The following BAIAP2L1 variants were observed in gnomAD, a reference collection of about 807,000 sequenced individuals.
The protein encoded by BAIAP2L1 is BAR/IMD domain-containing adapter protein 2-like 1.
A neutral mutation model predicts 66.3 loss-of-function variants in BAIAP2L1; 35 were observed. That is an observed-to-expected ratio of 0.53 (90% CI 0.40 to 0.70). The LOEUF is 0.70. Among genes scored for constraint, BAIAP2L1 ranks in the 30% least tolerant of loss-of-function variants. The pLI, the probability that BAIAP2L1 is intolerant of heterozygous loss-of-function variation, is 0.00. For missense variants in BAIAP2L1, 622 were observed against 656.9 expected (o/e 0.95, Z 0.58); for synonymous variants, 269 against 248.7 (o/e 1.08, Z -0.77).
chr7:98,355,165 G>A, intron 2 of BAIAP2L1, 37 bp from the exon 3 acceptor site: 3 of 1,429,466 alleles, frequency 2.1e-6, no homozygotes, highest in Non-Finnish European at 3.0e-6. Flanking sequence ...TCGTCACTTA[G>A]ACAAGGAAAG....
chr7:98,387,092 A>C (rs1187744182), intron 1 of BAIAP2L1, among the ~76,000 whole-genome samples: 3 of 152,096 alleles, frequency 2.0e-5, no homozygotes, highest in Non-Finnish European at 4.4e-5. Context: ...TTCTTCCCAT[A>C]TTGAGACAAA....
chr7:98,356,904 G>C (rs1802133153), intron 2 of BAIAP2L1, among the ~76,000 whole-genome samples: 1 of 141,068 alleles, frequency 7.1e-6, no homozygotes, highest in South Asian at 2.3e-4. Flanking sequence ...GCTAAGGTGG[G>C]AGAATTGCGT....
intron 3 of BAIAP2L1, among the ~76,000 whole-genome samples, chr7:98,326,722 A>G (rs967538197): frequency 6.6e-5 from 10 of 152,218 alleles, no homozygotes; most frequent in Non-Finnish European, 2.9e-5. Flanking sequence ...GAGGGAGTAC[A>G]GAGATGGAAA....
At chr7:98,333,592 C>G (rs1165057489) in intron 3 of BAIAP2L1, among the ~76,000 whole-genome samples, 1 of 151,926 alleles carries the variant, frequency 6.6e-6, no homozygotes, top group East Asian at 1.9e-4. Context: ...GAGGAAGACT[C>G]TGTCTCAAAA....
chr7:98,304,521 C>G, intron 11 of BAIAP2L1, 145 bp from the exon 12 acceptor site: 2 of 834,026 alleles, frequency 2.4e-6, no homozygotes, highest in African/African-American at 1.7e-5. Context: ...CAGACACACA[C>G]AGTACATATA....
chr7:98,364,986 C>CAGAAAAAAAA (rs1802358955), intron 1 of BAIAP2L1, among the ~76,000 whole-genome samples: 1 of 30,780 alleles, frequency 3.2e-5, no homozygotes, highest in Non-Finnish European at 5.4e-5. Flanking sequence ...GGATATGTCT[C>CAGAAAAAAAA]AAAAAAAAAA....
At chr7:98,318,230 C>T (rs924296379) in intron 5 of BAIAP2L1, among the ~76,000 whole-genome samples, 21 of 152,222 alleles carry the variant, frequency 1.4e-4, no homozygotes, top group African/African-American at 4.8e-4. Flanking sequence ...GACATCTTCT[C>T]TTTCTTTTAT....
chr7:98,299,482 C>T (rs936905813), intron 12 of BAIAP2L1, among the ~76,000 whole-genome samples: 2 of 150,002 alleles, frequency 1.3e-5, no homozygotes, highest in African/African-American at 2.5e-5. Flanking sequence ...GAGCCTCAGC[C>T]ATGGTACCTG....
intron 1 of BAIAP2L1, among the ~76,000 whole-genome samples, chr7:98,389,233 G>A (rs182311892): frequency 3.9e-4 from 59 of 152,208 alleles, no homozygotes; most frequent in Admixed American, 1.2e-3. Flanking sequence ...TGGGGCTGCT[G>A]GATTAGGGTA....
intron 3 of BAIAP2L1, among the ~76,000 whole-genome samples, chr7:98,345,926 A>G (rs1347333504): frequency 6.6e-6 from 1 of 152,130 alleles, no homozygotes; most frequent in African/African-American, 2.4e-5. Context: ...TAAAAAAAAA[A>G]AAGAGACAAT....
At chr7:98,295,119 T>G (rs1407084782) in intron 12 of BAIAP2L1, among the ~76,000 whole-genome samples, 1 of 152,154 alleles carries the variant, frequency 6.6e-6, no homozygotes, top group East Asian at 1.9e-4. Flanking sequence ...CCTCTCAAGA[T>G]TGACTTAGGG....
intron 12 of BAIAP2L1, among the ~76,000 whole-genome samples, chr7:98,299,076 C>T (rs768959745): frequency 7.9e-5 from 12 of 152,020 alleles, no homozygotes; most frequent in Non-Finnish European, 1.3e-4. Flanking sequence ...AGTGCAGTGG[C>T]GTGATCTTGG....
chr7:98,300,284 C>A (rs372487260), intron 12 of BAIAP2L1, among the ~76,000 whole-genome samples: 3 of 152,248 alleles, frequency 2.0e-5, no homozygotes, highest in East Asian at 1.9e-4. Flanking sequence ...TGCTCCCGCC[C>A]TTGGAGCAGC....
intron 1 of BAIAP2L1, among the ~76,000 whole-genome samples, chr7:98,364,845 A>G (rs564481231): frequency 6.6e-5 from 10 of 151,090 alleles, no homozygotes; most frequent in Non-Finnish European, 1.5e-4. Flanking sequence ...CAATTAGCCA[A>G]GGGTGGTGGC....
chr7:98,400,119 G>C (rs528220801), intron 1 of BAIAP2L1: 1 of 151,362 alleles, frequency 6.6e-6, no homozygotes, highest in African/African-American at 2.4e-5. Context: ...CTGATTCCAA[G>C]AAGTTGGGAG....
chr7:98,311,505 C>A (rs148394257), intron 8 of BAIAP2L1, among the ~76,000 whole-genome samples: 34 of 151,638 alleles, frequency 2.2e-4, no homozygotes, highest in African/African-American at 7.7e-4. Flanking sequence ...TGCGCCATTG[C>A]ACTCCAGCCT....
chr7:98,385,748 T>A, intron 1 of BAIAP2L1: 7 of 1,394,962 alleles, frequency 5.0e-6, no homozygotes, highest in Non-Finnish European at 6.9e-6. Context: ...TTGTTTTTTT[T>A]TTCACAAATA....
At chr7:98,295,541 C>T (rs553108780) in intron 12 of BAIAP2L1, among the ~76,000 whole-genome samples, 5 of 152,266 alleles carry the variant, frequency 3.3e-5, no homozygotes, top group East Asian at 3.9e-4. Flanking sequence ...GGGTGCCTGT[C>T]GCATGTGCTC....
At chr7:98,343,871 G>A (rs1029290078) in intron 3 of BAIAP2L1, among the ~76,000 whole-genome samples, 1 of 152,160 alleles carries the variant, frequency 6.6e-6, no homozygotes, top group Non-Finnish European at 1.5e-5. Flanking sequence ...GAACAAATGG[G>A]CACAGCTGTG....
Sources: allele counts gnomAD v4.1 joint callset (sites outside exome capture counted in the v4.1 genomes callset), GRCh38; gene constraint gnomAD v4.1.1; transcripts MANE v1.5; gene names NCBI Gene and HGNC (gene_info 2026-07-23, HGNC 2026-07-21).